CUX2: variants seen among roughly 807,000 people sequenced by gnomAD.
CUX2 encodes cut like homeobox 2.
In CUX2, 40 loss-of-function variants were observed where a neutral mutation model predicts 144.8. That is an observed-to-expected ratio of 0.28 (90% confidence interval 0.21 to 0.36). The LOEUF (loss-of-function observed/expected upper bound fraction) is 0.36, where lower values mean the gene tolerates loss of function less well. Among genes scored for constraint, CUX2 ranks in the 10% least tolerant of loss-of-function variants. The probability of loss-of-function intolerance (pLI) is 1.00; values close to 1 mark genes in which losing one functional copy is unlikely to be tolerated. For synonymous variants in CUX2, 827 were observed against 875.6 expected (o/e 0.94, Z 0.98); for missense variants, 1,615 against 1,994.0 (o/e 0.81, Z 3.62).
intron 1 of CUX2, among the ~76,000 whole-genome samples, chr12:111,156,622 GA>G (rs1046248114): frequency 5.9e-5 from 9 of 152,132 alleles, no homozygotes; most frequent in Admixed American, 5.9e-4. Context: ...CAAAGCTGAG[GA>G]ACCCCATTCA....
intron 14 of CUX2, 51 bp from the exon 15 acceptor site, chr12:111,309,990 C>T (rs1886801200): frequency 7.9e-7 from 1 of 1,273,094 alleles, no homozygotes; most frequent in South Asian, 3.3e-5. Flanking sequence ...TCTCTCCCCT[C>T]ATCATCGTCT....
intron 1 of CUX2, among the ~76,000 whole-genome samples, chr12:111,122,998 C>T (rs1317988496): frequency 1.3e-5 from 2 of 152,176 alleles, no homozygotes; most frequent in Admixed American, 6.5e-5. Flanking sequence ...ATTTAATGGG[C>T]AGGAAATGTT....
chr12:111,319,427 T>C (rs1053934886), intron 16 of CUX2, among the ~76,000 whole-genome samples: 7 of 152,172 alleles, frequency 4.6e-5, no homozygotes, highest in African/African-American at 1.4e-4. Flanking sequence ...TTTACATGGT[T>C]GGATCATTGC....
chr12:111,242,774 A>G (rs1883093121), intron 3 of CUX2, among the ~76,000 whole-genome samples: 2 of 152,144 alleles, frequency 1.3e-5, no homozygotes, highest in Non-Finnish European at 2.9e-5. Flanking sequence ...AGATTCCACC[A>G]CTGCATTCCA....
intron 1 of CUX2, among the ~76,000 whole-genome samples, chr12:111,194,960 C>T (rs1200881504): frequency 2.0e-5 from 3 of 152,174 alleles, no homozygotes; most frequent in Admixed American, 1.3e-4. Context: ...TGCCTGTGAA[C>T]TCCCATCTCC....
chr12:111,252,403 T>C (rs1883602949), intron 3 of CUX2, among the ~76,000 whole-genome samples: 1 of 152,126 alleles, frequency 6.6e-6, no homozygotes, highest in Non-Finnish European at 1.5e-5. Context: ...CCAGGCTAGT[T>C]TCTCCTCTTT....
At chr12:111,213,380 A>G (rs1261970405) in intron 1 of CUX2, among the ~76,000 whole-genome samples, 1 of 152,202 alleles carries the variant, frequency 6.6e-6, no homozygotes, top group African/African-American at 2.4e-5. Flanking sequence ...TCAAATATAC[A>G]TGCACGACCA....
At chr12:111,325,242 C>G (rs916748788) in intron 18 of CUX2, among the ~76,000 whole-genome samples, 68 of 151,462 alleles carry the variant, frequency 4.5e-4, no homozygotes, top group African/African-American at 1.6e-3. Context: ...TGCAATGAGC[C>G]GAGATCCTGT....
At chr12:111,114,917 A>G (rs1202470312) in intron 1 of CUX2, among the ~76,000 whole-genome samples, 1 of 152,204 alleles carries the variant, frequency 6.6e-6, no homozygotes, top group African/African-American at 2.4e-5. Context: ...TTTGCTGGAA[A>G]GATTTTATTT....
intron 1 of CUX2, among the ~76,000 whole-genome samples, chr12:111,070,929 C>T (rs1871233004): frequency 6.6e-6 from 1 of 152,228 alleles, no homozygotes; most frequent in African/African-American, 2.4e-5. Flanking sequence ...ATGTGTTTTC[C>T]TGGCTTTTTA....
chr12:111,105,957 T>G (rs540458084), intron 1 of CUX2, among the ~76,000 whole-genome samples: 1 of 150,052 alleles, frequency 6.7e-6, no homozygotes, highest in African/African-American at 2.5e-5. Context: ...CTTGACCTCC[T>G]GGGCTCAAGT....
intron 16 of CUX2, among the ~76,000 whole-genome samples, chr12:111,318,349 C>T (rs1051441896): frequency 6.7e-6 from 1 of 149,856 alleles, no homozygotes; most frequent in Admixed American, 6.7e-5. Context: ...CTCACCCTCC[C>T]AAAGTGCTGG....
At chr12:111,067,957 A>G (rs1592861617) in intron 1 of CUX2, among the ~76,000 whole-genome samples, 1 of 151,782 alleles carries the variant, frequency 6.6e-6, no homozygotes, top group African/African-American at 2.4e-5. Context: ...GAATAGTTCC[A>G]CCCCCTGCCT....
Position 111,334,479 on chromosome 12 carries a change from C to T in CUX2, c.2965C>T (p.Pro989Ser). The T allele has an allele frequency of 6.2e-7, 1 of 1,611,414 alleles. No individual in the cohort carries two copies. Among genetic ancestry groups the T allele is most frequent in the Non-Finnish European group, 8.5e-7 (1 of 1,178,526 alleles). The change falls in exon 19 of 22, where the codon CCC becomes TCC. Residue 989 changes from proline (P) to serine (S), a missense_variant. Pro to Ser is a moderately conservative substitution (Grantham distance 74, BLOSUM62 -1). Coordinates refer to ENST00000261726, the MANE Select transcript of CUX2 (RefSeq NM_015267.4). ...TEPRSSPSPP[P>S]SPTEPEKSSQ... is the part of the protein sequence containing the mutation. The stretch of plus-strand genomic sequence containing the variant: ...ACCAAGGTCCTCACCATCCCCACCC[C>T]CCAGCCCCACAGAGCCTGAGAAGAG...
intron 1 of CUX2, among the ~76,000 whole-genome samples, chr12:111,208,676 C>T (rs1015590467): frequency 1.3e-5 from 2 of 152,172 alleles, no homozygotes; most frequent in Non-Finnish European, 2.9e-5. Context: ...GACACATACC[C>T]ACTGACGGGA....
chr12:111,181,124 G>A (rs1326451897), intron 1 of CUX2, among the ~76,000 whole-genome samples: 1 of 152,230 alleles, frequency 6.6e-6, no homozygotes, highest in Non-Finnish European at 1.5e-5. Flanking sequence ...AATATTCCGC[G>A]GGGCCGCCGC....
At chr12:111,164,146 C>T (rs1396370158) in intron 1 of CUX2, among the ~76,000 whole-genome samples, 5 of 152,164 alleles carry the variant, frequency 3.3e-5, no homozygotes, top group African/African-American at 1.2e-4. Context: ...GGAAACTGAA[C>T]TCACAGACTC....
rs1346411037 is a variant in CUX2 at position 111,349,636 on chromosome 12, G to C, written c.*1311G>C. The C allele has an allele frequency of 6.6e-6, 1 of 152,196 alleles. No homozygotes were observed. Among genetic ancestry groups the C allele is most frequent in the Non-Finnish European group, 1.5e-5 (1 of 68,046 alleles). 9.4% of individuals were successfully genotyped at this position (152,196 alleles called of 1,614,324 possible). ...CCAACGCATGACCTGTTGGGGAGCA[G>C]AGACTTAACCCCCAACTCAGAGGAA... is the stretch of plus-strand genomic sequence containing the variant. On this transcript the variant is annotated 3_prime_UTR_variant, in exon 22 of 22. Coordinates refer to ENST00000261726, the MANE Select transcript of CUX2 (RefSeq NM_015267.4).
At position 111,050,108 on chromosome 12, in the gene CUX2, GC is replaced by G. The variant is rs371254916; in HGVS notation, c.63+15869del. 3.5e-4 allele frequency among the ~76,000 whole-genome samples: 53 copies of G among 152,158 alleles called. No individual in the cohort carries two copies. The East Asian group carries it at 8.3e-3, about 24-fold the overall frequency. ...CTCAGCCACATTTATAGAGCATCTG[GC>G]TCACACTGTATCTCCATTTCTGTAT... On this transcript the variant is annotated intron_variant, in intron 1 of 21. Transcript: ENST00000261726.
Sources: gnomAD v4.1 joint callset for allele counts (sites outside exome capture counted in the v4.1 genomes callset) on GRCh38, gnomAD v4.1.1 for gene constraint, MANE v1.5 for transcripts, NCBI Gene and HGNC (gene_info 2026-07-23, HGNC 2026-07-21) for gene names.